Variants in HDGF observed in about 807,000 individuals in gnomAD.
HDGF encodes heparin binding growth factor, also known as hepatoma-derived growth factor.
A neutral mutation model predicts 30.0 loss-of-function variants in HDGF; 5 were observed. The observed-to-expected ratio is 0.17, with a 90% CI of 0.09 to 0.35. The LOEUF (loss-of-function observed/expected upper bound fraction) is 0.35, where lower values mean the gene tolerates loss of function less well. Ranked by LOEUF, HDGF falls within the 10% of genes least tolerant of loss-of-function variation. The probability of loss-of-function intolerance (pLI) is 1.00; values close to 1 mark genes in which losing one functional copy is unlikely to be tolerated. For missense variants in HDGF, 214 were observed against 302.8 expected (o/e 0.71, Z 2.18); for synonymous variants, 133 against 112.7 (o/e 1.18, Z -1.14).
At chr1:156,765,598 A>C (rs61378755) in intron 1 of HDGF, among the ~76,000 whole-genome samples, 6,378 of 138,170 alleles carry the variant, frequency 0.046, 475 homozygotes, top group African/African-American at 0.16. Context: ...CCTCAGCCTC[A>C]CGAGTAGCTG....
At chr1:156,764,865 G>A (rs76207714) in intron 1 of HDGF, among the ~76,000 whole-genome samples, 15,184 of 146,416 alleles carry the variant, frequency 0.1, 1,007 homozygotes, top group African/African-American at 0.18. Context: ...CAGCATGGGC[G>A]ACAGTACAAG....
intron 1 of HDGF, among the ~76,000 whole-genome samples, chr1:156,760,684 G>A (rs753071471): frequency 6.6e-6 from 1 of 152,166 alleles, no homozygotes; most frequent in Non-Finnish European, 1.5e-5. Flanking sequence ...GGACGATAAA[G>A]AGGCTCATCC....
intron 1 of HDGF, among the ~76,000 whole-genome samples, chr1:156,747,117 G>A (rs1413752702): frequency 6.6e-6 from 1 of 151,674 alleles, no homozygotes; most frequent in Non-Finnish European, 1.5e-5. Context: ...AGGAGACGCT[G>A]GGTGTGAGAG....
chr1:156,751,999 G>A (rs1300321116), upstream of HDGF: 2 of 1,537,598 alleles, frequency 1.3e-6, no homozygotes, highest in Admixed American at 2.0e-5. This position sits in a 1 kb window ranked among gnomAD's most constrained non-coding sequence, Gnocchi z 4.7. Flanking sequence ...GCTGGACGGA[G>A]CGGCCCCCGC....
upstream of HDGF, among the ~76,000 whole-genome samples, chr1:156,767,323 GA>G (rs912267659): frequency 6.6e-6 from 1 of 152,210 alleles, no homozygotes; most frequent in Admixed American, 6.5e-5. Flanking sequence ...GTTAGGCGAC[GA>G]AAAAAACTAC....
chr1:156,759,869 A>G (rs1407299759), intron 1 of HDGF, among the ~76,000 whole-genome samples: 1 of 152,258 alleles, frequency 6.6e-6, no homozygotes, highest in Non-Finnish European at 1.5e-5. Context: ...ACTATTACAA[A>G]TTATTTAATC....
At chr1:156,765,449 C>CT (rs1177127168) in intron 1 of HDGF, among the ~76,000 whole-genome samples, 2 of 131,704 alleles carry the variant, frequency 1.5e-5, no homozygotes, top group African/African-American at 2.8e-5. Flanking sequence ...CCTTTCTTTC[C>CT]TTCTTTCCTT....
chr1:156,749,310 A>G (rs1330997596), intron 1 of HDGF, among the ~76,000 whole-genome samples: 1 of 152,218 alleles, frequency 6.6e-6, no homozygotes, highest in Non-Finnish European at 1.5e-5. Flanking sequence ...CTTCTCATCC[A>G]TCTCAGGAAG....
upstream of HDGF, among the ~76,000 whole-genome samples, chr1:156,753,862 A>C (rs1651099583): frequency 6.6e-6 from 1 of 151,624 alleles, no homozygotes; most frequent in African/African-American, 2.4e-5. Context: ...GGTCGTTATT[A>C]TAAACATGCA....
chr1:156,759,381 AC>A (rs1392583739), intron 1 of HDGF, among the ~76,000 whole-genome samples: 1 of 152,050 alleles, frequency 6.6e-6, no homozygotes, highest in African/African-American at 2.4e-5. Context: ...TTTCCTTTAC[AC>A]AAATTGTGAC....
upstream of HDGF, among the ~76,000 whole-genome samples, chr1:156,756,605 T>A (rs1558039234): frequency 6.6e-6 from 1 of 152,168 alleles, no homozygotes; most frequent in Non-Finnish European, 1.5e-5. Flanking sequence ...AACCAGTTAA[T>A]ATATATGATA....
intron 1 of HDGF, among the ~76,000 whole-genome samples, chr1:156,747,134 G>A (rs553404019): frequency 1.3e-5 from 2 of 151,272 alleles, no homozygotes; most frequent in African/African-American, 4.9e-5. Flanking sequence ...AGAGCAGGGG[G>A]TGGAAAGGCA....
At chr1:156,761,557 C>T (rs1199407247) in intron 1 of HDGF, among the ~76,000 whole-genome samples, 1 of 150,456 alleles carries the variant, frequency 6.6e-6, no homozygotes, top group African/African-American at 2.5e-5. Flanking sequence ...TGCAGTGAGC[C>T]GACACAGTGC....
chr1:156,749,187 C>A (rs916722393), intron 1 of HDGF, among the ~76,000 whole-genome samples: 1 of 152,182 alleles, frequency 6.6e-6, no homozygotes, highest in Non-Finnish European at 1.5e-5. Context: ...CCCAGAATCA[C>A]CCACCCTCCC....
At chr1:156,759,380 C>T (rs568152057) in intron 1 of HDGF, among the ~76,000 whole-genome samples, 1 of 152,144 alleles carries the variant, frequency 6.6e-6, no homozygotes, top group Non-Finnish European at 1.5e-5. Context: ...ATTTCCTTTA[C>T]ACAAATTGTG....
At chr1:156,765,237 C>T (rs1170563930) in intron 1 of HDGF, among the ~76,000 whole-genome samples, 5 of 151,062 alleles carry the variant, frequency 3.3e-5, no homozygotes, top group African/African-American at 1.2e-4. Context: ...GGATTACAGG[C>T]GCCCGCCACC....
At chr1:156,750,934 A>G (rs1650925199) in intron 1 of HDGF, among the ~76,000 whole-genome samples, 2 of 151,314 alleles carry the variant, frequency 1.3e-5, no homozygotes, top group South Asian at 4.2e-4. Context: ...AGGGGTCTCT[A>G]AGGGGGTCTT....
Position 156,751,498 on chromosome 1 carries a change from C to T in HDGF, c.-69G>A. ...CGCGAGCCCAAGTTTGCGCGTGCGGCGGTGGCGGCGCCGCTCCGCTCCGGC... is the reference window on the plus strand; with the variant it reads ...CGCGAGCCCAAGTTTGCGCGTGCGGTGGTGGCGGCGCCGCTCCGCTCCGGC... On this transcript the variant is annotated 5_prime_UTR_variant, in exon 1 of 6. Transcript: ENST00000357325. This position sits in a 1 kb window ranked among gnomAD's most constrained non-coding sequence, Gnocchi z 4.7. 3 of 1,220,934 alleles carry T rather than the reference C, an allele frequency of 2.5e-6. No individual in the cohort carries two copies. The highest frequency in any genetic ancestry group is 4.3e-5 in the East Asian group (1 of 23,142). The allele number at this position is 1,220,934 out of a possible 1,614,324, so 75.6% of individuals were successfully genotyped here.
chr1:156,758,314 A>T (rs954085633), intron 2 of HDGF, among the ~76,000 whole-genome samples: 1 of 124,586 alleles, frequency 8.0e-6, no homozygotes, highest in African/African-American at 3.1e-5. Context: ...TAAATAGGCC[A>T]GGCGCGGTGG....
Sources: allele counts gnomAD v4.1 joint callset (sites outside exome capture counted in the v4.1 genomes callset), GRCh38; gene constraint gnomAD v4.1.1; non-coding constraint Gnocchi (gnomAD v3.1); transcripts MANE v1.5; gene names NCBI Gene and HGNC (gene_info 2026-07-23, HGNC 2026-07-21).